The following ABLIM2 variants were observed in gnomAD, a reference collection of about 807,000 sequenced individuals.
ABLIM2 encodes actin-binding LIM protein 2.
ABLIM2 carries 53 observed loss-of-function variants against 97.7 expected under a neutral mutation model. The ratio of observed to expected loss-of-function variants is 0.54; its 90% CI spans 0.44 to 0.68. The LOEUF (loss-of-function observed/expected upper bound fraction) is 0.68. Among genes scored for constraint, ABLIM2 ranks in the 30% least tolerant of loss-of-function variants. ABLIM2 has a pLI of 0.00. For missense variants in ABLIM2, 835 were observed against 867.2 expected (o/e 0.96, Z 0.47); for synonymous variants, 361 against 345.8 (o/e 1.04, Z -0.49).
At position 8,141,735 on chromosome 4, in the gene ABLIM2, T is replaced by G. The variant is rs141342033; in HGVS notation, c.10+16945A>C. ...AGGAGCAGGTTCACGTGCAGATCTA[T>G]CCACAGGAGACCTATTTGGGAGGGC... On this transcript the variant is annotated intron_variant, in intron 1 of 20. Transcript: ENST00000447017. Among the ~76,000 whole-genome samples, 80 of 152,282 alleles carry G rather than the reference T, an allele frequency of 5.3e-4. 1 individual carries two copies. The East Asian group carries it at 0.014, about 26-fold the overall frequency.
chr4:7,997,523 G>A (rs962342126), intron 16 of ABLIM2, among the ~76,000 whole-genome samples: 2 of 152,026 alleles, frequency 1.3e-5, no homozygotes, highest in Non-Finnish European at 1.5e-5. Flanking sequence ...TTTCTGCTCT[G>A]TCTTCAAGTT....
chr4:8,084,241 G>C (rs1056939364), intron 4 of ABLIM2, among the ~76,000 whole-genome samples: 2 of 152,228 alleles, frequency 1.3e-5, no homozygotes, highest in Non-Finnish European at 2.9e-5. Context: ...CTGCGGTCAG[G>C]ACTAGACCGG....
In ABLIM2 at chr4:8,127,515, G is replaced by C; in HGVS notation, c.11-20878C>G. 1 of 1,289,792 alleles carries C rather than the reference G, an allele frequency of 7.8e-7. No homozygotes were observed. Among genetic ancestry groups the C allele is most frequent in the South Asian group, 1.2e-5 (1 of 81,030 alleles). The allele number at this position is 1,289,792 out of a possible 1,614,324, so 79.9% of individuals were successfully genotyped here. A position where few individuals can be genotyped will look rare whatever the true frequency, so the allele number is the denominator to read the frequency against. On this transcript the variant is annotated intron_variant, in intron 1 of 20. Coordinates refer to ENST00000447017, the MANE Select transcript of ABLIM2 (RefSeq NM_001130083.2). This position sits in a 1 kb window ranked among gnomAD's most constrained non-coding sequence, Gnocchi z 7.3. ...TGGAGCTCACGGCTCCCAGCCGGAT[G>C]GTCTGGGCAAAAGCGCAGTTTGGGG... is the stretch of plus-strand genomic sequence containing the variant.
chr4:8,079,846 G>T (rs542661738), intron 5 of ABLIM2, among the ~76,000 whole-genome samples: 29 of 152,230 alleles, frequency 1.9e-4, no homozygotes, highest in African/African-American at 6.0e-4. Context: ...TGATGATTTT[G>T]TTCCCATTGG....
Position 7,986,654 on chromosome 4 carries a change from T to C in ABLIM2, c.1681-1761A>G, listed in dbSNP as rs544123239. 6.6e-6 allele frequency among the ~76,000 whole-genome samples: 1 copy of C among 152,256 alleles called. No homozygotes were observed. Among genetic ancestry groups the C allele is most frequent in the African/African-American group, 2.4e-5 (1 of 41,558 alleles). On this transcript the variant is annotated intron_variant, in intron 17 of 20. Transcript: ENST00000447017. This position sits in a 1 kb window ranked among gnomAD's most constrained non-coding sequence, Gnocchi z 4.3. ...ACCACTTCACAAAATAATTCTTGCCTTCAGGGGTATTCACAAAGAATTTCT... is the reference window on the plus strand; with the variant it reads ...ACCACTTCACAAAATAATTCTTGCCCTCAGGGGTATTCACAAAGAATTTCT...
rs1159922779 is a variant in ABLIM2 at position 8,130,745 on chromosome 4, C to T, written c.11-24108G>A. Among the ~76,000 whole-genome samples the T allele has an allele frequency of 2.0e-5, 3 of 152,148 alleles. No individual in the cohort carries two copies. The highest frequency in any genetic ancestry group is 2.9e-5 in the Non-Finnish European group (2 of 68,020). ...TAGCCAGGCCCAGGGAGGGGAGAGA[C>T]GGTCTGGGCAGAGAGCAGTACAACA... is the stretch of plus-strand genomic sequence containing the variant. On this transcript the variant is annotated intron_variant, in intron 1 of 20. Transcript: ENST00000447017. The surrounding 1 kb of genome is among the most constrained non-coding windows in gnomAD (Gnocchi z 4.2).
chr4:8,024,239 G>T (rs1195587990), intron 12 of ABLIM2, among the ~76,000 whole-genome samples: 1 of 152,136 alleles, frequency 6.6e-6, no homozygotes, highest in African/African-American at 2.4e-5. Context: ...GGCTTCAGCA[G>T]CACCGACTCC....
chr4:8,037,480 G>A (rs1334520143), intron 9 of ABLIM2, among the ~76,000 whole-genome samples: 1 of 151,606 alleles, frequency 6.6e-6, no homozygotes, highest in Non-Finnish European at 1.5e-5. Flanking sequence ...GCACACACAT[G>A]CCCACACCCA....
At position 7,967,012 on chromosome 4, in the gene ABLIM2, T is replaced by C; in HGVS notation, c.1916A>G (p.Lys639Arg). 6.2e-7 allele frequency: 1 copy of C among 1,613,620 alleles called. No individual in the cohort carries two copies. The highest frequency in any genetic ancestry group is 8.5e-7 in the Non-Finnish European group (1 of 1,179,926). The change falls in exon 21 of 21, where the codon AAG becomes AGG. Residue 639 changes from lysine (K) to arginine (R), a missense_variant. Physicochemically the swap from Lys to Arg is conservative, Grantham distance 26. Coordinates refer to ENST00000447017, the MANE Select transcript of ABLIM2 (RefSeq NM_001130083.2). ...RLALWKRNDL[K>R]KKALLF ...CCGTCAGAACAAAAGGGCTTTCTTC[T>C]TAAGGTCATTCCTCTTCCAGAGGGC... is the stretch of plus-strand genomic sequence containing the variant.
chr4:8,076,649 C>G (rs1340053084), intron 6 of ABLIM2, among the ~76,000 whole-genome samples: 8 of 151,684 alleles, frequency 5.3e-5, no homozygotes, highest in Non-Finnish European at 1.2e-4. Context: ...GTCGCTTCCC[C>G]CATGGACCAT....
Position 8,064,426 on chromosome 4 carries a change from G to C in ABLIM2, c.676-3372C>G, listed in dbSNP as rs149543925. On this transcript the variant is annotated intron_variant, in intron 6 of 20. Coordinates refer to ENST00000447017, the MANE Select transcript of ABLIM2 (RefSeq NM_001130083.2). ...GGGTGGCTCTGAAGACAGGAGGAAA[G>C]CTCTGAGCCAGCCAGCATGCTCGGC... is the stretch of plus-strand genomic sequence containing the variant. Among the ~76,000 whole-genome samples, 83 of 152,322 alleles carry C rather than the reference G, an allele frequency of 5.4e-4. 2 individuals are homozygous for C. In the East Asian group the frequency reaches 0.016, roughly 29 times the overall value.
chr4:7,995,365 G>C (rs367878778), intron 16 of ABLIM2, among the ~76,000 whole-genome samples: 1 of 152,180 alleles, frequency 6.6e-6, no homozygotes, highest in Non-Finnish European at 1.5e-5. Context: ...AGCTGCCCAC[G>C]AGGCCTCCGA....
At chr4:8,060,120 T>C (rs1003488410) in intron 7 of ABLIM2, among the ~76,000 whole-genome samples, 4 of 152,166 alleles carry the variant, frequency 2.6e-5, no homozygotes, top group African/African-American at 9.7e-5. Flanking sequence ...GAAAATTGTG[T>C]TTCTTCCCCT....
chr4:8,031,711 G>T (rs537073340), intron 10 of ABLIM2, among the ~76,000 whole-genome samples: 1 of 150,210 alleles, frequency 6.7e-6, no homozygotes, highest in Non-Finnish European at 1.5e-5. Context: ...CGTGGTGGGG[G>T]ATGAATAAAT....
intron 8 of ABLIM2, among the ~76,000 whole-genome samples, chr4:8,052,021 C>A (rs1478945277): frequency 6.6e-6 from 1 of 152,200 alleles, no homozygotes; most frequent in Non-Finnish European, 1.5e-5. Context: ...TTTCTCTCTA[C>A]CAGGGAGCTT....
At chr4:8,030,724 G>C (rs1369349368) in intron 10 of ABLIM2, among the ~76,000 whole-genome samples, 1 of 152,234 alleles carries the variant, frequency 6.6e-6, no homozygotes, top group Non-Finnish European at 1.5e-5. Flanking sequence ...CTCTACCCCG[G>C]GCGTCCTCTG....
intron 1 of ABLIM2, among the ~76,000 whole-genome samples, chr4:8,110,355 T>C (rs892539772): frequency 2.0e-5 from 3 of 151,736 alleles, no homozygotes; most frequent in Non-Finnish European, 4.4e-5. Flanking sequence ...ACAGCGCGGG[T>C]GGTGGGGTCA....
In ABLIM2 at chr4:7,984,875, AG is replaced by A; in HGVS notation, c.1698del (p.Cys567ValfsTer30). 2 of 1,608,742 alleles carry A rather than the reference AG, an allele frequency of 1.2e-6. No homozygotes were observed. The highest frequency in any genetic ancestry group is 2.2e-5 in the South Asian group (2 of 89,488). On this transcript the variant is annotated frameshift_variant, in exon 18 of 21. Transcript: ENST00000447017. LOFTEE classifies it high-confidence loss of function. ...CAGCTGGCATCCGGGTCTGCTCCACAGGGGGCCAGATTGGCATTCTGGAAGA... is the reference window on the plus strand; with the variant it reads ...CAGCTGGCATCCGGGTCTGCTCCACAGGGGCCAGATTGGCATTCTGGAAGA... ...GLDQRNANLA[P>X]CGADPDASWG...
chr4:8,134,881 G>A (rs1184975473), intron 1 of ABLIM2, among the ~76,000 whole-genome samples: 1 of 152,228 alleles, frequency 6.6e-6, no homozygotes, highest in Non-Finnish European at 1.5e-5. Flanking sequence ...TTGCATGTGG[G>A]TGCAAAGACA....
Sources: gnomAD v4.1 joint callset for allele counts (sites outside exome capture counted in the v4.1 genomes callset) on GRCh38, gnomAD v4.1.1 for gene constraint, Gnocchi (gnomAD v3.1) non-coding constraint, MANE v1.5 for transcripts, NCBI Gene and HGNC (gene_info 2026-07-23, HGNC 2026-07-21) for gene names.